The following ADGRL2 variants were observed in gnomAD, a reference collection of about 807,000 sequenced individuals.
ADGRL2 encodes calcium-independent alpha-latrotoxin receptor 2.
In ADGRL2, 44 loss-of-function variants were observed where a neutral mutation model predicts 157.4. That is an observed-to-expected ratio of 0.28 (90% CI 0.22 to 0.36). The LOEUF (loss-of-function observed/expected upper bound fraction) is 0.36, where lower values mean the gene tolerates loss of function less well. Ranked by LOEUF, ADGRL2 falls within the 10% of genes least tolerant of loss-of-function variation. ADGRL2 has a pLI of 1.00. For missense variants in ADGRL2, 1,510 were observed against 1,768.9 expected, an observed-to-expected ratio of 0.85 and a Z score of 2.63; for synonymous variants, 585 against 624.7, an observed-to-expected ratio of 0.94 and a Z score of 0.95.
Position 81,971,852 on chromosome 1 carries a change from T to C in ADGRL2, c.2955T>C (p.Ala985=), listed in dbSNP as rs145612042. 3.8e-6 allele frequency: 6 copies of C among 1,589,880 alleles called. No homozygotes were observed. The highest frequency in any genetic ancestry group is 5.2e-6 in the Non-Finnish European group (6 of 1,159,104). The part of the protein sequence containing the change: ...IDYKSYGTEK[A]CWLHVDNYFI... ...GCATATTCTTCTCTTTTCATAATAGTTGCTGGCTTCATGTTGATAACTACT... is the reference window on the plus strand; with the variant it reads ...GCATATTCTTCTCTTTTCATAATAGCTGCTGGCTTCATGTTGATAACTACT... Residue 985 remains alanine, a splice_region_variant and synonymous_variant, in exon 17 of 24, where the codon GCT becomes GCC. Transcript: ENST00000686636.
chr1:81,830,244 G>A (rs1431516352), intron 1 of ADGRL2, among the ~76,000 whole-genome samples: 2 of 152,032 alleles, frequency 1.3e-5, no homozygotes, highest in African/African-American at 4.8e-5. Flanking sequence ...AATAACACTC[G>A]TTTTAGCACT....
chr1:81,663,386 C>G (rs1016161028), intron 3 of ADGRL2, among the ~76,000 whole-genome samples: 2 of 152,112 alleles, frequency 1.3e-5, no homozygotes, highest in Admixed American at 6.5e-5. Flanking sequence ...CTCTCGCCTA[C>G]GAATAGAGTA....
At chr1:81,917,038 G>A (rs2094873666) in intron 3 of ADGRL2, among the ~76,000 whole-genome samples, 1 of 150,464 alleles carries the variant, frequency 6.6e-6, no homozygotes, top group South Asian at 2.1e-4. Flanking sequence ...TCACTATGTT[G>A]CCCAGGCAGA....
chr1:81,666,784 A>C (rs2082759908), intron 3 of ADGRL2, among the ~76,000 whole-genome samples: 1 of 152,220 alleles, frequency 6.6e-6, no homozygotes, highest in South Asian at 2.1e-4. Flanking sequence ...GGCTCAAACT[A>C]ACCCACAAGG....
chr1:81,629,667 ATGTG>A (rs60497907), intron 3 of ADGRL2, among the ~76,000 whole-genome samples: 36,612 of 149,164 alleles, frequency 0.25, 4,835 homozygotes, highest in Non-Finnish European at 0.29. Flanking sequence ...ATGAATGTAT[ATGTG>A]TGTGTGTGTG....
chr1:81,377,671 A>C (rs1459444601), intron 1 of ADGRL2, among the ~76,000 whole-genome samples: 1 of 152,150 alleles, frequency 6.6e-6, no homozygotes, highest in Non-Finnish European at 1.5e-5. Flanking sequence ...TTTGTGTGAC[A>C]TGTTGTGATT....
chr1:81,444,336 G>T (rs2077562228), intron 1 of ADGRL2, among the ~76,000 whole-genome samples: 1 of 152,120 alleles, frequency 6.6e-6, no homozygotes, highest in South Asian at 2.1e-4. Flanking sequence ...GGCCACTTCA[G>T]ATCTAAGGGA....
At chr1:81,650,822 A>G (rs1209279346) in intron 3 of ADGRL2, among the ~76,000 whole-genome samples, 1 of 152,116 alleles carries the variant, frequency 6.6e-6, no homozygotes, top group Non-Finnish European at 1.5e-5. Flanking sequence ...GAACTTTTGT[A>G]CCCCATCTTC....
At chr1:81,622,536 G>A (rs558213048) in intron 3 of ADGRL2, among the ~76,000 whole-genome samples, 3 of 152,076 alleles carry the variant, frequency 2.0e-5, no homozygotes, top group Admixed American at 6.5e-5. Flanking sequence ...AGCCAAGATC[G>A]TGCCACTGCA....
chr1:81,657,076 G>T (rs552795263), intron 3 of ADGRL2, among the ~76,000 whole-genome samples: 2 of 151,710 alleles, frequency 1.3e-5, no homozygotes, highest in Non-Finnish European at 2.9e-5. Context: ...ACAATTCAAG[G>T]CTCCAATATG....
chr1:81,855,706 A>C (rs2093179012), intron 2 of ADGRL2, among the ~76,000 whole-genome samples: 1 of 152,160 alleles, frequency 6.6e-6, no homozygotes, highest in Admixed American at 6.6e-5. Context: ...AAATGTTGGC[A>C]GCTAATTCAA....
At chr1:81,497,784 A>G (rs2078761302) in intron 2 of ADGRL2, among the ~76,000 whole-genome samples, 1 of 152,254 alleles carries the variant, frequency 6.6e-6, no homozygotes, top group Admixed American at 6.5e-5. Context: ...AGTGTTACAT[A>G]GTTGTTAGCC....
chr1:81,314,726 T>C (rs1343950742), intron 1 of ADGRL2, among the ~76,000 whole-genome samples: 4 of 152,288 alleles, frequency 2.6e-5, no homozygotes, highest in East Asian at 3.9e-4. Flanking sequence ...AGTCAACATG[T>C]TACACATGCT....
Position 81,383,684 on chromosome 1 carries a change from C to T in ADGRL2, c.-301-61352C>T, listed in dbSNP as rs535580351. Among the ~76,000 whole-genome samples, 6 of 148,986 alleles carry T rather than the reference C, an allele frequency of 4.0e-5. No homozygotes were observed. In the South Asian group the frequency reaches 6.3e-4, roughly 16 times the overall value. On this transcript the variant is annotated intron_variant, in intron 1 of 24. Coordinates refer to the ADGRL2 transcript ENST00000370721. Reference sequence around the variant, plus strand: ...GTTTAAAAAAAAAAAAAAAGAAGGCCGGGTGCACGGTGGCTCACACCTGTA... The same window carrying T: ...GTTTAAAAAAAAAAAAAAAGAAGGCTGGGTGCACGGTGGCTCACACCTGTA...
rs2149122612 is a variant in ADGRL2, at chr1:81,954,859, A to G, written c.1834-1018A>G. Among the ~76,000 whole-genome samples, 2 of 152,122 alleles carry G rather than the reference A, an allele frequency of 1.3e-5. 1 individual carries two copies. The highest frequency in any genetic ancestry group is 4.2e-4 in the South Asian group (2 of 4,810). On this transcript the variant is annotated intron_variant, in intron 10 of 23. Transcript: ENST00000686636. ...ATAGTACCTCACGCTAGCAATTTTTATTGTTGTTCTTTTTGTACAGTGTGT... is the reference window on the plus strand; with the variant it reads ...ATAGTACCTCACGCTAGCAATTTTTGTTGTTGTTCTTTTTGTACAGTGTGT...
intron 2 of ADGRL2, among the ~76,000 whole-genome samples, chr1:81,490,818 A>G (rs932404930): frequency 2.0e-5 from 3 of 152,230 alleles, no homozygotes; most frequent in African/African-American, 4.8e-5. Context: ...ACATATGCAC[A>G]TTAAAAGGCA....
chr1:81,731,072 G>C (rs2084707320), intron 1 of ADGRL2, among the ~76,000 whole-genome samples: 2 of 152,248 alleles, frequency 1.3e-5, no homozygotes, highest in African/African-American at 2.4e-5. Flanking sequence ...CATTTTGAAA[G>C]ATTATTAACT....
At chr1:81,877,098 C>A (rs901123952) in intron 2 of ADGRL2, among the ~76,000 whole-genome samples, 20 of 152,076 alleles carry the variant, frequency 1.3e-4, no homozygotes, top group Non-Finnish European at 4.4e-5. Flanking sequence ...ATTAAATTGT[C>A]CATGATCAAC....
chr1:81,544,326 A>G (rs1230042223), intron 2 of ADGRL2, among the ~76,000 whole-genome samples: 2 of 152,210 alleles, frequency 1.3e-5, no homozygotes, highest in Non-Finnish European at 2.9e-5. Context: ...AAAAGAAAAG[A>G]ATATTCTCCA....
Sources: gnomAD v4.1 joint callset for allele counts (sites outside exome capture counted in the v4.1 genomes callset) on GRCh38, gnomAD v4.1.1 for gene constraint, MANE v1.5 for transcripts, NCBI Gene and HGNC (gene_info 2026-07-23, HGNC 2026-07-21) for gene names.